Variants in SYNE1 observed in about 807,000 individuals in gnomAD.
SYNE1 encodes the protein nesprin-1.
In SYNE1, 616 loss-of-function variants were observed where a neutral mutation model predicts 1,111.0. The ratio of observed to expected loss-of-function variants is 0.55; its 90% CI spans 0.52 to 0.59. The LOEUF is 0.59. SYNE1 is among the 20% of genes least tolerant of loss of function. SYNE1 has a pLI of 0.00. For synonymous variants in SYNE1, 3,855 were observed against 3,825.8 expected, an observed-to-expected ratio of 1.01 and a Z score of -0.28; for missense variants, 10,006 against 10,417.0, an observed-to-expected ratio of 0.96 and a Z score of 1.72.
At chr6:152,534,195 AATG>A (rs1564694302) in intron 4 of SYNE1, among the ~76,000 whole-genome samples, 2,366 of 149,334 alleles carry the variant, frequency 0.016, 57 homozygotes, top group African/African-American at 0.053. Flanking sequence ...TGAATGAATG[AATG>A]AATGAATAAA....
chr6:152,331,459 T>C lies in SYNE1; in HGVS notation c.13226A>G (p.Asp4409Gly). The C allele has an allele frequency of 6.2e-7, 1 of 1,614,184 alleles. No individual in the cohort carries two copies. The highest frequency in any genetic ancestry group is 8.5e-7 in the Non-Finnish European group (1 of 1,180,034). Residue 4409 changes from aspartate (D) to glycine (G), a missense_variant, in exon 78 of 146, where the codon GAC (aspartate) becomes GGC (glycine). This residue lies in a region of SYNE1 where 4,955 missense variants were observed against 5,017.2 expected (regional missense o/e 0.99). Transcript: ENST00000367255. Reference sequence around the variant, plus strand: ...GAGACCAAGATCTGCCATGACCCTGTCTGCGTCCTTTATAAGCGATTTCAG... The same window carrying C: ...GAGACCAAGATCTGCCATGACCCTGCCTGCGTCCTTTATAAGCGATTTCAG... Reference protein sequence around the residue: ...MLLKSLIKDADRVMADLGLNE... With the variant: ...MLLKSLIKDAGRVMADLGLNE...
chr6:152,151,657 C>G lies in SYNE1; in HGVS notation c.24346G>C (p.Ala8116Pro). The G allele has an allele frequency of 6.2e-7, 1 of 1,614,166 alleles. No homozygotes were observed. Among genetic ancestry groups the G allele is most frequent in the Non-Finnish European group, 8.5e-7 (1 of 1,180,022 alleles). ...AGCCAGACCAGAATGCTGTCCCGCG[C>G]AGTCTCAAACTCCTCACGCTGGCCA... ...FIGQREEFET[A>P]RDSILVWLTE... Residue 8116 changes from alanine to proline, a missense_variant, in exon 135 of 146, where the codon GCG (alanine) becomes CCG (proline). Physicochemically the swap from Ala to Pro is conservative, Grantham distance 27. Around this residue, in one of 7 missense-constraint regions of SYNE1, gnomAD observed 34 missense variants for 68.3 expected, o/e 0.50. Transcript: ENST00000367255.
At chr6:152,216,282 C>T (rs2078641742) in intron 121 of SYNE1, among the ~76,000 whole-genome samples, 2 of 152,150 alleles carry the variant, frequency 1.3e-5, no homozygotes, top group Admixed American at 1.3e-4. Flanking sequence ...GTGGCACTTA[C>T]AGGGAATAAG....
intron 47 of SYNE1, among the ~76,000 whole-genome samples, chr6:152,400,674 T>A (rs1483446028): frequency 2.0e-5 from 3 of 151,772 alleles, no homozygotes; most frequent in Non-Finnish European, 4.4e-5. Context: ...AAAATAAAAA[T>A]AAAAAAATAG....
At chr6:152,139,584 A>G (rs753408320) in intron 140 of SYNE1, among the ~76,000 whole-genome samples, 1 of 146,198 alleles carries the variant, frequency 6.8e-6, no homozygotes, top group African/African-American at 2.5e-5. Flanking sequence ...AAAAAAAAAG[A>G]AAGGAAGGAA....
At chr6:152,279,374 G>C (rs1458173686) in intron 97 of SYNE1, among the ~76,000 whole-genome samples, 1 of 151,182 alleles carries the variant, frequency 6.6e-6, no homozygotes, top group African/African-American at 2.4e-5. Context: ...AAAGTAATTT[G>C]TTAATGAGAA....
At chr6:152,181,294 C>T (rs889608380) in intron 128 of SYNE1, among the ~76,000 whole-genome samples, 2 of 152,092 alleles carry the variant, frequency 1.3e-5, no homozygotes, top group African/African-American at 4.8e-5. Flanking sequence ...CACCTGTAAT[C>T]CCAGCTACTT....
In SYNE1 at chr6:152,511,184, T is replaced by A. The variant is rs928425884; in HGVS notation, c.310-81A>T. ...AATTATGTAACAATTAGGCCTTTAG[T>A]AGACATCAATAAGATTTGATCATGC... On this transcript the variant is annotated intron_variant, in intron 6 of 145. Coordinates refer to ENST00000367255, the MANE Select transcript of SYNE1 (RefSeq NM_182961.4). 6.5e-6 allele frequency: 8 copies of A among 1,224,130 alleles called. No homozygotes were observed. The highest frequency in any genetic ancestry group is 1.5e-5 in the African/African-American group (1 of 66,434). The allele number at this position is 1,224,130 out of a possible 1,614,324, so 75.8% of individuals were successfully genotyped here. A position where few individuals can be genotyped will look rare whatever the true frequency, so the allele number is the denominator to read the frequency against.
At chr6:152,170,545 A>G (rs184592902) in intron 130 of SYNE1, among the ~76,000 whole-genome samples, 2 of 152,320 alleles carry the variant, frequency 1.3e-5, no homozygotes, top group African/African-American at 4.8e-5. Flanking sequence ...GCATCAATGC[A>G]TTCCTGATCC....
chr6:152,537,392 GT>G (rs1210127978), intron 4 of SYNE1, among the ~76,000 whole-genome samples: 1 of 151,514 alleles, frequency 6.6e-6, no homozygotes, highest in South Asian at 2.1e-4. Context: ...AAATCCTTAG[GT>G]TTTTTTCTTA....
rs373225632 is a variant in SYNE1 at position 152,346,585 on chromosome 6, C to T, written c.12078+474G>A. Among the ~76,000 whole-genome samples the T allele has an allele frequency of 1.1e-4, 17 of 152,102 alleles. No homozygotes were observed. The East Asian group carries it at 1.4e-3, about 12-fold the overall frequency. ...CAGCACGTTGGGAGGCAGAGGTGGG[C>T]GGATCACGAGGTCAGGAGATCGAAA... On this transcript the variant is annotated intron_variant, in intron 73 of 145. Transcript: ENST00000367255.
chr6:152,267,673 T>C (rs1562638462), intron 100 of SYNE1, among the ~76,000 whole-genome samples: 1 of 152,238 alleles, frequency 6.6e-6, no homozygotes, highest in Non-Finnish European at 1.5e-5. Context: ...CCTGCATTTA[T>C]TTTTTAGAAT....
intron 135 of SYNE1, among the ~76,000 whole-genome samples, chr6:152,150,586 T>TG (rs1173991437): frequency 6.6e-6 from 1 of 152,220 alleles, no homozygotes; most frequent in Non-Finnish European, 1.5e-5. Context: ...CCAAAGGTTA[T>TG]GGGCGTCATG....
chr6:152,262,534 G>A (rs557400985), intron 100 of SYNE1, among the ~76,000 whole-genome samples: 6 of 152,310 alleles, frequency 3.9e-5, no homozygotes, highest in African/African-American at 1.4e-4. Context: ...TCTAGGGAGA[G>A]TTACGATTAT....
intron 138 of SYNE1, among the ~76,000 whole-genome samples, chr6:152,143,117 C>T (rs2152827134): frequency 6.6e-6 from 1 of 152,302 alleles, no homozygotes; most frequent in East Asian, 1.9e-4. Flanking sequence ...CAATGCCTTG[C>T]TATCTTTTCC....
intron 5 of SYNE1, among the ~76,000 whole-genome samples, chr6:152,524,973 C>CT (rs2099156915): frequency 1.3e-5 from 2 of 152,124 alleles, no homozygotes; most frequent in Admixed American, 1.3e-4. Flanking sequence ...CAACTTGTGC[C>CT]TTTAAGAAAA....
In SYNE1 at chr6:152,189,276, C is replaced by T; in HGVS notation, c.23277G>A (p.Arg7759=). 1.2e-6 allele frequency: 2 copies of T among 1,613,928 alleles called. No homozygotes were observed. Among genetic ancestry groups the T allele is most frequent in the Non-Finnish European group, 8.5e-7 (1 of 1,179,972 alleles). The change falls in exon 128 of 146, where the codon AGG becomes AGA. Residue 7759 remains arginine, a synonymous_variant. Transcript: ENST00000367255. ...CCTGGTGGCATAGTTCTTCCCACTG[C>T]CTTTGCAGAAGCTCTACGCGTTCAT... ...ILNERVELLQ[R]QWEELCHQLS...
At chr6:152,177,302 T>C (rs1170065416) in intron 129 of SYNE1, among the ~76,000 whole-genome samples, 1 of 152,150 alleles carries the variant, frequency 6.6e-6, no homozygotes, top group Non-Finnish European at 1.5e-5. Flanking sequence ...GTGATTTAAC[T>C]GACGATGAAA....
At chr6:152,401,099 C>A (rs912688019) in intron 47 of SYNE1, 39 bp downstream of exon 47, 1 of 1,590,492 alleles carries the variant, frequency 6.3e-7, no homozygotes, top group Non-Finnish European at 8.6e-7. Flanking sequence ...CTACAATCAC[C>A]ATTTGAATGG....
Sources: allele counts gnomAD v4.1 joint callset (sites outside exome capture counted in the v4.1 genomes callset), GRCh38; gene constraint gnomAD v4.1.1; regional missense constraint gnomAD v4.1.1; transcripts MANE v1.5; gene names NCBI Gene and HGNC (gene_info 2026-07-23, HGNC 2026-07-21).